KANK1: variants seen among roughly 807,000 people sequenced by gnomAD.
The protein encoded by KANK1 is KN motif and ankyrin repeat domains 1.
KANK1 carries 109 observed loss-of-function variants against 106.2 expected under a neutral mutation model. The ratio of observed to expected loss-of-function variants is 1.03; its 90% CI spans 0.88 to 1.20. The LOEUF (loss-of-function observed/expected upper bound fraction) is 1.20, where lower values mean the gene tolerates loss of function less well. Ranked by LOEUF, KANK1 falls within the 50% of genes most tolerant of loss-of-function variation. The probability of loss-of-function intolerance (pLI) is 0.00; values close to 1 mark genes in which losing one functional copy is unlikely to be tolerated. For synonymous variants in KANK1, 873 were observed against 652.2 expected, an observed-to-expected ratio of 1.34 and a Z score of -5.16; for missense variants, 2,399 against 1,710.7, an observed-to-expected ratio of 1.40 and a Z score of -7.10.
intron 1 of KANK1, among the ~76,000 whole-genome samples, chr9:550,466 C>T (rs2061211331): frequency 6.6e-6 from 1 of 152,180 alleles, no homozygotes; most frequent in Non-Finnish European, 1.5e-5. Context: ...AACACCACGC[C>T]AGGTGGCGTG....
At chr9:619,978 A>G (rs986335243) in intron 1 of KANK1, among the ~76,000 whole-genome samples, 1 of 152,020 alleles carries the variant, frequency 6.6e-6, no homozygotes, top group Non-Finnish European at 1.5e-5. Flanking sequence ...GTCTACTAAA[A>G]ATAAGAAAAT....
At chr9:512,682 G>T (rs2059087513) in intron 1 of KANK1, among the ~76,000 whole-genome samples, 1 of 152,016 alleles carries the variant, frequency 6.6e-6, no homozygotes, top group South Asian at 2.1e-4. Context: ...CACAAAACTT[G>T]CTCAGGCTCA....
At chr9:506,034 A>G (rs975334241) in intron 1 of KANK1, among the ~76,000 whole-genome samples, 4 of 145,656 alleles carry the variant, frequency 2.7e-5, no homozygotes, top group African/African-American at 5.5e-5. Flanking sequence ...TAATAAACAT[A>G]TAAATTTACT....
chr9:479,980 G>T (rs67087422), intron 3 of KANK1, among the ~76,000 whole-genome samples: 5,595 of 152,212 alleles, frequency 0.037, 341 homozygotes, highest in African/African-American at 0.13. Flanking sequence ...GAAAAATATG[G>T]GTTTTTTCCC....
At chr9:583,640 A>G (rs1822722810) in intron 1 of KANK1, among the ~76,000 whole-genome samples, 1 of 151,318 alleles carries the variant, frequency 6.6e-6, no homozygotes, top group African/African-American at 2.4e-5. Context: ...CAATAAATAT[A>G]CTGTTTTCTC....
rs1297749992 is a variant in KANK1, at chr9:731,150, T to C, written c.2897-8T>C. On this transcript the variant is annotated splice_polypyrimidine_tract_variant and splice_region_variant and intron_variant, in intron 4 of 11. Transcript: ENST00000382297. Reference sequence around the variant, plus strand: ...GTTTTCATTTTTATTGCCTTGACTTTTTCACAGCATGTACAAACAATGAAA... The same window carrying C: ...GTTTTCATTTTTATTGCCTTGACTTCTTCACAGCATGTACAAACAATGAAA... 1.9e-6 allele frequency: 3 copies of C among 1,560,106 alleles called. No individual in the cohort carries two copies. The highest frequency in any genetic ancestry group is 2.6e-6 in the Non-Finnish European group (3 of 1,134,310).
chr9:691,780 A>ATTT lies in KANK1; in HGVS notation c.37+14785_37+14787dup, dbSNP rs71314726. Among the ~76,000 whole-genome samples, 39 of 130,960 alleles carry ATTT rather than the reference A, an allele frequency of 3.0e-4. 1 individual carries two copies. Among genetic ancestry groups the ATTT allele is most frequent in the African/African-American group, 9.7e-4 (34 of 34,944 alleles). 85.9% of individuals were successfully genotyped at this position (130,960 alleles called of 152,430 possible). A position where few individuals can be genotyped will look rare whatever the true frequency, so the allele number is the denominator to read the frequency against. On this transcript the variant is annotated intron_variant, in intron 2 of 11. Coordinates refer to ENST00000382297, the MANE Select transcript of KANK1 (RefSeq NM_015158.5). ...AGGGGCAAGCCAGCACACCTAGCTA[A>ATTT]TTTTTTTTTTTTTTTTGGTAGAGAC...
chr9:607,565 T>C (rs1360835121), intron 1 of KANK1, among the ~76,000 whole-genome samples: 3 of 151,564 alleles, frequency 2.0e-5, no homozygotes, highest in South Asian at 2.1e-4. Flanking sequence ...TGTGGGCTTG[T>C]TGGTTCTTGT....
intron 10 of KANK1, among the ~76,000 whole-genome samples, chr9:743,579 G>T (rs72693482): frequency 6.6e-6 from 1 of 152,260 alleles, no homozygotes; most frequent in Non-Finnish European, 1.5e-5. Flanking sequence ...TTCAAGACTA[G>T]ATAGGCTGGG....
At chr9:664,151 A>G (rs1563949158) in intron 1 of KANK1, among the ~76,000 whole-genome samples, 1 of 152,086 alleles carries the variant, frequency 6.6e-6, no homozygotes, top group Non-Finnish European at 1.5e-5. Flanking sequence ...TGTCCTACTG[A>G]TCTATCGAAC....
At position 597,744 on chromosome 9, in the gene KANK1, A is replaced by G. The variant is rs149207625; in HGVS notation, c.-83-79146A>G. On this transcript the variant is annotated intron_variant, in intron 1 of 11. Coordinates refer to ENST00000382297, the MANE Select transcript of KANK1 (RefSeq NM_015158.5). ...AGTGGCAAGATCTTGGCTCACTGCA[A>G]CCTCTGTCTCCTGGGTTCAAGTGAT... 5.0e-3 allele frequency among the ~76,000 whole-genome samples: 755 copies of G among 151,036 alleles called. 30 individuals are homozygous for G. The highest frequency in any genetic ancestry group is 0.017 in the African/African-American group (706 of 40,792).
At chr9:660,978 A>C (rs114977451) in intron 1 of KANK1, among the ~76,000 whole-genome samples, 1 of 152,170 alleles carries the variant, frequency 6.6e-6, no homozygotes, top group African/African-American at 2.4e-5. Context: ...CAAGGGAACA[A>C]ATCTCAAAAC....
chr9:512,542 G>A (rs73369068), intron 1 of KANK1, among the ~76,000 whole-genome samples: 1,887 of 152,106 alleles, frequency 0.012, 40 homozygotes, highest in African/African-American at 0.042. Context: ...CATCCTCCAA[G>A]TCAACACATA....
At chr9:532,354 G>C (rs1271806058) in intron 1 of KANK1, among the ~76,000 whole-genome samples, 5 of 128,506 alleles carry the variant, frequency 3.9e-5, no homozygotes, top group Non-Finnish European at 7.8e-5. Context: ...CGATTCTCCT[G>C]CCTCAAGCAC....
intron 1 of KANK1, among the ~76,000 whole-genome samples, chr9:632,667 A>C (rs1836027249): frequency 6.6e-6 from 1 of 152,028 alleles, no homozygotes; most frequent in South Asian, 2.1e-4. Flanking sequence ...GATCCTCATG[A>C]GATAATGAGA....
At chr9:605,953 G>A (rs1174365919) in intron 1 of KANK1, among the ~76,000 whole-genome samples, 2 of 151,656 alleles carry the variant, frequency 1.3e-5, no homozygotes, top group Non-Finnish European at 2.9e-5. Flanking sequence ...CCTGTGTTCT[G>A]ACTCCCTTCC....
intron 1 of KANK1, among the ~76,000 whole-genome samples, chr9:622,980 T>A (rs1833501958): frequency 5.9e-5 from 9 of 152,104 alleles, no homozygotes; most frequent in Admixed American, 5.9e-4. Flanking sequence ...GGAAAAAAGC[T>A]TCTTGACATT....
intron 1 of KANK1, among the ~76,000 whole-genome samples, chr9:619,069 A>G (rs1832537075): frequency 6.6e-6 from 1 of 152,208 alleles, no homozygotes; most frequent in South Asian, 2.1e-4. Context: ...TTTAGGAGAG[A>G]AAATGGCCAT....
At chr9:742,897 C>G (rs760922502) in intron 10 of KANK1, among the ~76,000 whole-genome samples, 2 of 152,204 alleles carry the variant, frequency 1.3e-5, no homozygotes, top group African/African-American at 4.8e-5. Context: ...TATGCCAGAG[C>G]CTGCAGAGTA....
Sources: gnomAD v4.1 joint callset for allele counts (sites outside exome capture counted in the v4.1 genomes callset) on GRCh38, gnomAD v4.1.1 for gene constraint, MANE v1.5 for transcripts, NCBI Gene and HGNC (gene_info 2026-07-23, HGNC 2026-07-21) for gene names.